The following KIF16B variants were observed in gnomAD, a reference collection of about 807,000 sequenced individuals.
KIF16B encodes the protein kinesin-like protein KIF16B.
KIF16B carries 98 observed loss-of-function variants against 156.3 expected under a neutral mutation model. The ratio of observed to expected loss-of-function variants is 0.63; its 90% confidence interval spans 0.53 to 0.74. KIF16B has a LOEUF of 0.74. KIF16B is among the 30% of genes least tolerant of loss of function. KIF16B has a pLI of 0.00. For synonymous variants in KIF16B, 564 were observed against 583.7 expected, an observed-to-expected ratio of 0.97 and a Z score of 0.49; for missense variants, 1,421 against 1,606.5, an observed-to-expected ratio of 0.88 and a Z score of 1.97.
At chr20:16,335,312 C>T (rs148462090) in intron 24 of KIF16B, among the ~76,000 whole-genome samples, 14 of 152,282 alleles carry the variant, frequency 9.2e-5, no homozygotes, top group South Asian at 4.1e-4. Context: ...TCTAGGAATA[C>T]TTTGCTTAAA....
chr20:16,538,594 G>C (rs757020703), intron 1 of KIF16B, among the ~76,000 whole-genome samples: 27 of 152,084 alleles, frequency 1.8e-4, no homozygotes, highest in Non-Finnish European at 3.8e-4. Flanking sequence ...GATCAATATG[G>C]GGGGAGGAGG....
At chr20:16,297,069 T>A (rs1312760092) in intron 25 of KIF16B, among the ~76,000 whole-genome samples, 1 of 152,200 alleles carries the variant, frequency 6.6e-6, no homozygotes, top group African/African-American at 2.4e-5. Context: ...CCTGCTGGCT[T>A]TCAGCCTGGA....
At chr20:16,535,288 T>G (rs1042364272) in intron 1 of KIF16B, among the ~76,000 whole-genome samples, 1 of 152,244 alleles carries the variant, frequency 6.6e-6, no homozygotes, top group African/African-American at 2.4e-5. Flanking sequence ...CATTTCTTTC[T>G]CAGCTATTTC....
intron 12 of KIF16B, 61 bp downstream of exon 12, chr20:16,494,230 A>AG: frequency 1.9e-6 from 2 of 1,041,516 alleles, no homozygotes; most frequent in South Asian, 1.4e-5. Flanking sequence ...AAAAAAAAAA[A>AG]AAAAAGTTTT....
rs142444510 is a variant in KIF16B at position 16,379,583 on chromosome 20, C to G, written c.2419G>C (p.Ala807Pro). 2 of 1,614,134 alleles carry G rather than the reference C, an allele frequency of 1.2e-6. No individual in the cohort carries two copies. The highest frequency in any genetic ancestry group is 1.3e-5 in the African/African-American group (1 of 75,036). The change falls in exon 19 of 26, where the codon GCT becomes CCT. Residue 807 changes from alanine to proline, a missense_variant. Ala to Pro is a conservative substitution (Grantham distance 27). Transcript: ENST00000354981. The part of the protein sequence containing the change: ...IRESLLRVKE[A>P]RAGGDEDGEE... Reference sequence around the variant, plus strand: ...CCATCTTCATCCCCTCCGGCACGAGCCTCCTTCACCCGCAGGAGGGATTCC... The same window carrying G: ...CCATCTTCATCCCCTCCGGCACGAGGCTCCTTCACCCGCAGGAGGGATTCC...
intron 3 of KIF16B, among the ~76,000 whole-genome samples, chr20:16,522,693 C>T (rs1008210418): frequency 1.3e-5 from 2 of 152,194 alleles, no homozygotes; most frequent in Non-Finnish European, 2.9e-5. Context: ...ATAGAACTCT[C>T]CACCCCAAAT....
chr20:16,411,292 A>G (rs2065948624), intron 15 of KIF16B, among the ~76,000 whole-genome samples: 1 of 151,996 alleles, frequency 6.6e-6, no homozygotes, highest in Non-Finnish European at 1.5e-5. Flanking sequence ...TTTTAGCTTT[A>G]TGCTGTGTTT....
intron 12 of KIF16B, among the ~76,000 whole-genome samples, chr20:16,462,458 T>C (rs1405067762): frequency 6.6e-6 from 1 of 152,192 alleles, no homozygotes; most frequent in African/African-American, 2.4e-5. Context: ...ATACTGGAAG[T>C]TAAGCCTTCT....
At chr20:16,481,939 T>G (rs2067993356) in intron 12 of KIF16B, among the ~76,000 whole-genome samples, 1 of 152,160 alleles carries the variant, frequency 6.6e-6, no homozygotes, top group Admixed American at 6.5e-5. Flanking sequence ...CGTTTCTCAC[T>G]TTGTATGATA....
chr20:16,437,976 T>TAAAAAAA (rs1175714230), intron 12 of KIF16B, among the ~76,000 whole-genome samples: 1 of 107,788 alleles, frequency 9.3e-6, no homozygotes, highest in African/African-American at 3.6e-5. Context: ...CTACTAAAAA[T>TAAAAAAA]AAAAAAAAAT....
chr20:16,497,808 G>T, intron 10 of KIF16B, 130 bp from the exon 11 acceptor site: 1 of 632,294 alleles, frequency 1.6e-6, no homozygotes, highest in Non-Finnish European at 2.7e-6. Flanking sequence ...CCTACACCCT[G>T]CCAAAAAGTG....
At chr20:16,449,375 T>G (rs1017849393) in intron 12 of KIF16B, among the ~76,000 whole-genome samples, 7 of 152,336 alleles carry the variant, frequency 4.6e-5, no homozygotes, top group Non-Finnish European at 7.3e-5. Context: ...AGAATGTCCC[T>G]TGGCAATACT....
chr20:16,369,282 AAAAAAGTTGAAATGGGG>A, intron 22 of KIF16B: 1 of 985,860 alleles, frequency 1.0e-6, no homozygotes, highest in Non-Finnish European at 1.2e-6. Context: ...CAAGGTGTCA[AAAAAAGTTGAAATGGGG>A]ATGTGGTATC....
At position 16,499,651 on chromosome 20, in the gene KIF16B, C is replaced by T. The variant is rs563996201; in HGVS notation, c.1177-1973G>A. 3.9e-5 allele frequency among the ~76,000 whole-genome samples: 6 copies of T among 152,254 alleles called. No individual in the cohort carries two copies. The East Asian group carries it at 7.7e-4, about 20-fold the overall frequency. ...AAAACAAATAGAAAGCCCTTTATAACGTGGGTAATTTTACAGAATCCATTG... is the reference window on the plus strand; with the variant it reads ...AAAACAAATAGAAAGCCCTTTATAATGTGGGTAATTTTACAGAATCCATTG... On this transcript the variant is annotated intron_variant, in intron 10 of 25. Transcript: ENST00000354981.
intron 24 of KIF16B, among the ~76,000 whole-genome samples, chr20:16,334,670 G>T (rs1176204602): frequency 1.3e-5 from 2 of 152,114 alleles, no homozygotes; most frequent in African/African-American, 4.8e-5. Flanking sequence ...CAGCTTGATG[G>T]TATCCCATGG....
In KIF16B at chr20:16,365,567, T is replaced by C. The variant is rs940500609; in HGVS notation, c.3498+5019A>G. Among the ~76,000 whole-genome samples, 7 of 152,188 alleles carry C rather than the reference T, an allele frequency of 4.6e-5. No individual in the cohort carries two copies. In the East Asian group the frequency reaches 1.4e-3, roughly 29 times the overall value. Reference sequence around the variant, plus strand: ...AACACATTCTCCAATTCCCTGTCTTTTCCTGTTCATGTCTGCAACACTAGG... The same window carrying C: ...AACACATTCTCCAATTCCCTGTCTTCTCCTGTTCATGTCTGCAACACTAGG... On this transcript the variant is annotated intron_variant, in intron 22 of 25. Transcript: ENST00000354981.
chr20:16,340,155 G>A (rs2064115563), intron 23 of KIF16B, among the ~76,000 whole-genome samples: 1 of 152,100 alleles, frequency 6.6e-6, no homozygotes, highest in Non-Finnish European at 1.5e-5. Context: ...AGCAAGTATG[G>A]CCTTAGAGAC....
At chr20:16,353,774 T>C (rs2064383902) in intron 23 of KIF16B, among the ~76,000 whole-genome samples, 1 of 152,212 alleles carries the variant, frequency 6.6e-6, no homozygotes, top group Non-Finnish European at 1.5e-5. Flanking sequence ...ATTCACATCA[T>C]GTCTGTTTCT....
chr20:16,470,653 C>A (rs981376331), intron 12 of KIF16B, among the ~76,000 whole-genome samples: 1 of 147,616 alleles, frequency 6.8e-6, no homozygotes, highest in South Asian at 2.1e-4. Flanking sequence ...CCAGCAAATT[C>A]TTTTTTTCTT....
Sources: gnomAD v4.1 joint callset for allele counts (sites outside exome capture counted in the v4.1 genomes callset) on GRCh38, gnomAD v4.1.1 for gene constraint, MANE v1.5 for transcripts, NCBI Gene and HGNC (gene_info 2026-07-23, HGNC 2026-07-21) for gene names.